Variants in PALLD observed in about 807,000 individuals in gnomAD.
The protein encoded by PALLD is palladin.
A neutral mutation model predicts 123.5 loss-of-function variants in PALLD; 61 were observed. The observed-to-expected ratio is 0.49, with a 90% CI of 0.40 to 0.61. The LOEUF (loss-of-function observed/expected upper bound fraction) is 0.61, where lower values mean the gene tolerates loss of function less well. PALLD is among the 20% of genes least tolerant of loss of function. The pLI, the probability that PALLD is intolerant of heterozygous loss-of-function variation, is 0.00. For missense variants in PALLD, 1,273 were observed against 1,377.0 expected, an observed-to-expected ratio of 0.92 and a Z score of 1.20; for synonymous variants, 465 against 496.4, an observed-to-expected ratio of 0.94 and a Z score of 0.84.
At chr4:168,651,857 GA>G (rs1197128495) in intron 2 of PALLD, among the ~76,000 whole-genome samples, 1 of 152,206 alleles carries the variant, frequency 6.6e-6, no homozygotes, top group Non-Finnish European at 1.5e-5. Flanking sequence ...ATCTCTTATT[GA>G]AAAGAATTGT....
At chr4:168,897,848 G>T (rs1387573149) in intron 13 of PALLD, 1 of 151,398 alleles carries the variant, frequency 6.6e-6, no homozygotes, top group Non-Finnish European at 1.5e-5. Context: ...CAAAATTTTG[G>T]CTAGACTGTC....
At chr4:168,678,161 C>G (rs1265466057) in intron 3 of PALLD, 1 of 152,136 alleles carries the variant, frequency 6.6e-6, no homozygotes, top group Non-Finnish European at 1.5e-5. Flanking sequence ...GACCACGAGG[C>G]TCAACAACAA....
chr4:168,567,373 T>A lies in PALLD; in HGVS notation c.908+54961T>A, dbSNP rs1169225774. ...AAGTAGACAAAGGAATCAACAGACATTTTTCAACAGAAGACACACAAATGG... is the reference window on the plus strand; with the variant it reads ...AAGTAGACAAAGGAATCAACAGACAATTTTCAACAGAAGACACACAAATGG... On this transcript the variant is annotated intron_variant, in intron 2 of 21. Transcript: ENST00000505667. 1.3e-4 allele frequency among the ~76,000 whole-genome samples: 20 copies of A among 151,778 alleles called. 1 individual carries two copies. The highest frequency in any genetic ancestry group is 8.8e-5 in the Non-Finnish European group (6 of 67,946).
At chr4:168,735,531 T>C (rs1787660960) in intron 10 of PALLD, among the ~76,000 whole-genome samples, 1 of 152,226 alleles carries the variant, frequency 6.6e-6, no homozygotes, top group Non-Finnish European at 1.5e-5. Context: ...ACGGTTATGT[T>C]GCAACCTGAG....
chr4:168,883,296 C>T (rs1752884377), intron 10 of PALLD, among the ~76,000 whole-genome samples: 1 of 152,062 alleles, frequency 6.6e-6, no homozygotes, highest in Non-Finnish European at 1.5e-5. Context: ...TACAAAAGCT[C>T]AGTTTGTATA....
chr4:168,774,280 G>A (rs879787296), intron 10 of PALLD, among the ~76,000 whole-genome samples: 24 of 151,988 alleles, frequency 1.6e-4, no homozygotes, highest in Non-Finnish European at 2.8e-4. Context: ...TTAACTTATA[G>A]TACTTACATC....
chr4:168,553,170 T>C (rs1044232749), intron 2 of PALLD, among the ~76,000 whole-genome samples: 2 of 152,116 alleles, frequency 1.3e-5, no homozygotes, highest in Non-Finnish European at 2.9e-5. Flanking sequence ...AGTGAGGAGT[T>C]TGGATTTGAA....
intron 2 of PALLD, among the ~76,000 whole-genome samples, chr4:168,554,485 C>A (rs1166323312): frequency 1.3e-5 from 2 of 152,154 alleles, no homozygotes; most frequent in African/African-American, 4.8e-5. Context: ...TCTATGTCAG[C>A]CAATCCGTGG....
At chr4:168,855,077 A>C (rs1159757592) in intron 10 of PALLD, among the ~76,000 whole-genome samples, 1 of 147,854 alleles carries the variant, frequency 6.8e-6, no homozygotes, top group Non-Finnish European at 1.5e-5. Flanking sequence ...GATAATGCTG[A>C]GAAGGAATGT....
At chr4:168,883,703 A>G (rs886076272) in intron 10 of PALLD, among the ~76,000 whole-genome samples, 7 of 152,204 alleles carry the variant, frequency 4.6e-5, no homozygotes, top group African/African-American at 1.2e-4. Context: ...TTTTATCCCA[A>G]CCACATGAAT....
chr4:168,646,456 T>C (rs1777464917), intron 2 of PALLD, among the ~76,000 whole-genome samples: 1 of 152,168 alleles, frequency 6.6e-6, no homozygotes, highest in Non-Finnish European at 1.5e-5. Context: ...GCTCTGTAAT[T>C]CTGGAGATAA....
chr4:168,869,018 T>C lies in PALLD; in HGVS notation c.1965-21904T>C, dbSNP rs1478512214. 6.6e-6 allele frequency among the ~76,000 whole-genome samples: 1 copy of C among 152,154 alleles called. No homozygotes were observed. The highest frequency in any genetic ancestry group is 6.5e-5 in the Admixed American group (1 of 15,270). On this transcript the variant is annotated intron_variant, in intron 10 of 21. Coordinates refer to ENST00000505667, the MANE Select transcript of PALLD (RefSeq NM_001166108.2). The surrounding 1 kb of genome is among the most constrained non-coding windows in gnomAD (Gnocchi z 4.5). ...GTACAGGCTGCCACTGCCTGGAACA[T>C]GATGGAGCGCCTCACAGATGCCAGA...
At chr4:168,560,322 T>G (rs1372354904) in intron 2 of PALLD, among the ~76,000 whole-genome samples, 2 of 152,170 alleles carry the variant, frequency 1.3e-5, no homozygotes, top group Non-Finnish European at 2.9e-5. Context: ...ACTGAATCCT[T>G]TAAGAATGAA....
At chr4:168,917,365 AC>A (rs1366782033) in intron 17 of PALLD, among the ~76,000 whole-genome samples, 2 of 151,962 alleles carry the variant, frequency 1.3e-5, no homozygotes, top group African/African-American at 2.4e-5. Context: ...AGGCTTTTTA[AC>A]CCAAGGTCCT....
chr4:168,637,943 C>CAAAAAA lies in PALLD; in HGVS notation c.909-30227_909-30222dup, dbSNP rs11416996. 3.0e-3 allele frequency among the ~76,000 whole-genome samples: 182 copies of CAAAAAA among 60,384 alleles called. 6 individuals carry two copies. The highest frequency in any genetic ancestry group is 0.012 in the African/African-American group (165 of 13,636). The allele number at this position is 60,384 out of a possible 152,430, so 39.6% of individuals were successfully genotyped here. On this transcript the variant is annotated intron_variant, in intron 2 of 21. Transcript: ENST00000505667. ...TGAGCAACAGAGGGAGAATACATCT[C>CAAAAAA]AAAAAAAAAAAAAAAAAAAAAAAAA...
chr4:168,555,179 G>C (rs1030987520), intron 2 of PALLD, among the ~76,000 whole-genome samples: 1 of 152,162 alleles, frequency 6.6e-6, no homozygotes, highest in Non-Finnish European at 1.5e-5. Flanking sequence ...GATGTTCCCT[G>C]GGGTGTTTTC....
At chr4:168,520,055 G>A (rs915497322) in intron 2 of PALLD, among the ~76,000 whole-genome samples, 1 of 151,552 alleles carries the variant, frequency 6.6e-6, no homozygotes, top group South Asian at 2.1e-4. Flanking sequence ...CGCCGGGCAC[G>A]GTGGCTCATG....
At chr4:168,726,052 C>A (rs1035990739) in intron 10 of PALLD, among the ~76,000 whole-genome samples, 17 of 152,144 alleles carry the variant, frequency 1.1e-4, no homozygotes, top group Non-Finnish European at 2.2e-4. Flanking sequence ...CAATTTTACA[C>A]AGATAGGATT....
At chr4:168,585,600 C>T (rs1195458478) in intron 2 of PALLD, among the ~76,000 whole-genome samples, 2 of 152,130 alleles carry the variant, frequency 1.3e-5, no homozygotes, top group African/African-American at 4.8e-5. Flanking sequence ...GCCTGGGATC[C>T]AGTCCCCAGC....
Sources: gnomAD v4.1 joint callset for allele counts (sites outside exome capture counted in the v4.1 genomes callset) on GRCh38, gnomAD v4.1.1 for gene constraint, Gnocchi (gnomAD v3.1) non-coding constraint, MANE v1.5 for transcripts, NCBI Gene and HGNC (gene_info 2026-07-23, HGNC 2026-07-21) for gene names.